The following COL10A1 variants were observed in gnomAD, a reference collection of about 807,000 sequenced individuals.
COL10A1 encodes the protein collagen alpha-1(X) chain.
In COL10A1, 10 loss-of-function variants were observed where a neutral mutation model predicts 18.2. The observed-to-expected ratio is 0.55, with a 90% CI of 0.34 to 0.93. The LOEUF (loss-of-function observed/expected upper bound fraction) is 0.93. COL10A1 is among the 40% of genes least tolerant of loss of function. The pLI is 0.02. For missense variants in COL10A1, 897 were observed against 853.5 expected, an observed-to-expected ratio of 1.05 and a Z score of -0.64; for synonymous variants, 330 against 316.6, an observed-to-expected ratio of 1.04 and a Z score of -0.45.
the COL10A1 span, among the ~76,000 whole-genome samples, chr6:116,187,678 A>T: frequency 2.0e-5 from 3 of 152,106 alleles, no homozygotes; most frequent in African/African-American, 7.2e-5. Flanking sequence ...ATAAAACTTG[A>T]TCCCTACTCA....
chr6:116,206,805 A>T, the COL10A1 span, among the ~76,000 whole-genome samples: 26 of 151,990 alleles, frequency 1.7e-4, 1 homozygote, highest in African/African-American at 6.3e-4. Flanking sequence ...AATTGGTCGA[A>T]GTCTAGTGCA....
At chr6:116,172,265 AT>A in the COL10A1 span, among the ~76,000 whole-genome samples, 7 of 150,616 alleles carry the variant, frequency 4.6e-5, no homozygotes, top group Middle Eastern at 0.01. Context: ...TTAGATAAGT[AT>A]ATTATTAAAG....
At chr6:116,124,592 T>G (rs1005180281) in intron 2 of COL10A1, among the ~76,000 whole-genome samples, 5 of 152,118 alleles carry the variant, frequency 3.3e-5, no homozygotes, top group African/African-American at 1.2e-4. Context: ...GTAGAAGTAA[T>G]AGCAACACTT....
chr6:116,144,215 A>C (rs1195101728), intron 1 of COL10A1, among the ~76,000 whole-genome samples: 1 of 152,116 alleles, frequency 6.6e-6, no homozygotes, highest in Admixed American at 6.6e-5. Context: ...ATTAAAGTGT[A>C]AAAGGAGGCC....
Position 116,121,161 on chromosome 6 carries a change from G to T in COL10A1, c.955C>A (p.Pro319Thr), listed in dbSNP as rs1490710530. The change falls in exon 3 of 3, where the codon CCA (proline) becomes ACA (threonine). Residue 319 changes from proline to threonine, a missense_variant. By Grantham distance (38) the Pro-to-Thr change is conservative. Transcript: ENST00000651968. Reference sequence around the variant, plus strand: ...GGCCCTTGTTCCCCTTTGGCACCTGGACCCCCAGGAAGGCCAGCAGGTCCT... The same window carrying T: ...GGCCCTTGTTCCCCTTTGGCACCTGTACCCCCAGGAAGGCCAGCAGGTCCT... ...ERGPAGLPGG[P>T]GAKGEQGPAG... The T allele has an allele frequency of 6.2e-7, 1 of 1,613,122 alleles. No homozygotes were observed.
chr6:116,192,837 A>G, the COL10A1 span, among the ~76,000 whole-genome samples: 78 of 152,062 alleles, frequency 5.1e-4, no homozygotes, highest in African/African-American at 1.7e-3. Context: ...GCCTCCTACT[A>G]TTGGAAGGTG....
chr6:116,129,666 G>T (rs939113504), upstream of COL10A1, among the ~76,000 whole-genome samples: 2 of 152,134 alleles, frequency 1.3e-5, no homozygotes, highest in African/African-American at 2.4e-5. Context: ...ACTGTGTGCC[G>T]AATAAAGCTC....
the COL10A1 span, among the ~76,000 whole-genome samples, chr6:116,208,341 G>T: frequency 6.6e-6 from 1 of 151,958 alleles, no homozygotes; most frequent in Admixed American, 6.6e-5. Context: ...GCTGACTTCT[G>T]TTGAAAACAA....
upstream of COL10A1, among the ~76,000 whole-genome samples, chr6:116,162,923 C>G (rs777466099): frequency 6.6e-6 from 1 of 151,688 alleles, no homozygotes; most frequent in South Asian, 2.1e-4. Context: ...GTCAGGAGAT[C>G]GAGACCATCC....
chr6:116,192,129 G>T, the COL10A1 span, among the ~76,000 whole-genome samples: 1 of 152,012 alleles, frequency 6.6e-6, no homozygotes, highest in Non-Finnish European at 1.5e-5. Flanking sequence ...AGAGAGAGTG[G>T]TAGTCTGTGT....
intron 1 of COL10A1, among the ~76,000 whole-genome samples, chr6:116,135,421 C>T (rs937389398): frequency 6.6e-6 from 1 of 151,774 alleles, no homozygotes; most frequent in Non-Finnish European, 1.5e-5. Flanking sequence ...GCCCCCCCCA[C>T]CTTTTTATTT....
chr6:116,210,349 G>A, the COL10A1 span, among the ~76,000 whole-genome samples: 1 of 150,310 alleles, frequency 6.7e-6, no homozygotes, highest in Non-Finnish European at 1.5e-5. Context: ...CCCCTGAAAT[G>A]TAATAATGTA....
chr6:116,132,053 A>G (rs1779481703), intron 1 of COL10A1, among the ~76,000 whole-genome samples: 1 of 152,048 alleles, frequency 6.6e-6, no homozygotes. Context: ...TATGTACCAC[A>G]TTTTCTTTAT....
chr6:116,126,676 C>G (rs916123658), upstream of COL10A1, among the ~76,000 whole-genome samples: 13 of 152,126 alleles, frequency 8.5e-5, no homozygotes, highest in African/African-American at 2.9e-4. Flanking sequence ...ATTCACAACA[C>G]TACGCTATAT....
In COL10A1 at chr6:116,120,369, C is replaced by T. The variant is rs1258111137; in HGVS notation, c.1747G>A (p.Asp583Asn). The T allele has an allele frequency of 6.2e-7, 1 of 1,614,068 alleles. No individual in the cohort carries two copies. The highest frequency in any genetic ancestry group is 8.5e-7 in the Non-Finnish European group (1 of 1,180,042). ...CAAGTAAAGATTCCAGTCCTTGGGT[C>T]ATAATGCTGTTGCCTGTTATACAAA... Reference protein sequence around the residue: ...KILYNRQQHYDPRTGIFTCQI... With the variant: ...KILYNRQQHYNPRTGIFTCQI... The change falls in exon 3 of 3, where the codon GAC (aspartate) becomes AAC (asparagine). Residue 583 changes from aspartate to asparagine, a missense_variant. Asp to Asn is a conservative substitution (Grantham distance 23). Coordinates refer to ENST00000651968, the MANE Select transcript of COL10A1 (RefSeq NM_000493.4).
rs1371981854 is a variant in COL10A1 at position 116,125,506 on chromosome 6, T to G, written c.-14A>C. 1.9e-5 allele frequency: 31 copies of G among 1,613,046 alleles called. No homozygotes were observed. Among genetic ancestry groups the G allele is most frequent in the Non-Finnish European group, 2.6e-5 (31 of 1,179,306 alleles). On this transcript the variant is annotated splice_region_variant and 5_prime_UTR_variant, in exon 2 of 3. Coordinates refer to ENST00000651968, the MANE Select transcript of COL10A1 (RefSeq NM_000493.4). ...TTGTGGCAGCATATTCTCAGATGGA[T>G]TCTGAAAAACAGAAAAGAATAACTT...
chr6:116,152,169 G>T (rs1780059201), intron 1 of COL10A1, among the ~76,000 whole-genome samples: 1 of 152,108 alleles, frequency 6.6e-6, no homozygotes, highest in Non-Finnish European at 1.5e-5. Flanking sequence ...CTTTCAGTAT[G>T]GTTGACTTCT....
chr6:116,138,195 C>T (rs59276499), intron 1 of COL10A1, among the ~76,000 whole-genome samples: 32,267 of 152,074 alleles, frequency 0.21, 3,603 homozygotes, highest in South Asian at 0.28. Flanking sequence ...CATAGCAGCC[C>T]CGTGAAGTAG....
intron 1 of COL10A1, among the ~76,000 whole-genome samples, chr6:116,139,151 T>C (rs1289675928): frequency 6.6e-6 from 1 of 152,144 alleles, no homozygotes; most frequent in Non-Finnish European, 1.5e-5. Context: ...GCAAAAATTC[T>C]AGTAGAAGAA....
Sources: allele counts gnomAD v4.1 joint callset (sites outside exome capture counted in the v4.1 genomes callset), GRCh38; gene constraint gnomAD v4.1.1; transcripts MANE v1.5; gene names NCBI Gene and HGNC (gene_info 2026-07-23, HGNC 2026-07-21).